The following TRPM3 variants were observed in gnomAD, a reference collection of about 807,000 sequenced individuals.
The protein encoded by TRPM3 is transient receptor potential cation channel subfamily M member 3.
Under a neutral mutation model 181.2 loss-of-function variants are expected in TRPM3, and 77 were observed. The ratio of observed to expected loss-of-function variants is 0.42; its 90% CI spans 0.35 to 0.51. The LOEUF is 0.51. Ranked by LOEUF, TRPM3 falls within the 20% of genes least tolerant of loss-of-function variation. The pLI is 0.01. For missense variants in TRPM3, 1,759 were observed against 2,196.7 expected (o/e 0.80, Z 3.98); for synonymous variants, 745 against 796.4 (o/e 0.94, Z 1.09).
intron 1 of TRPM3, among the ~76,000 whole-genome samples, chr9:71,109,657 T>C (rs1019374201): frequency 7.9e-5 from 12 of 152,152 alleles, no homozygotes; most frequent in Admixed American, 2.0e-4. Context: ...ACCTAGACAA[T>C]CTACCAATGT....
At chr9:70,691,017 T>C (rs185734279) in intron 8 of TRPM3, among the ~76,000 whole-genome samples, 208 of 152,258 alleles carry the variant, frequency 1.4e-3, no homozygotes, top group African/African-American at 4.8e-3. Flanking sequence ...ATGATTTATA[T>C]GGAGGAGGGA....
chr9:70,772,282 G>A (rs1003439292), intron 7 of TRPM3, among the ~76,000 whole-genome samples: 1 of 151,686 alleles, frequency 6.6e-6, no homozygotes, highest in Non-Finnish European at 1.5e-5. Context: ...TCTCTGGTTG[G>A]ATATCACAGA....
intron 1 of TRPM3, among the ~76,000 whole-genome samples, chr9:71,346,488 T>C (rs1225197194): frequency 6.6e-6 from 1 of 152,186 alleles, no homozygotes; most frequent in Non-Finnish European, 1.5e-5. Context: ...AGCTTTCTGG[T>C]AAACCATACA....
At chr9:71,041,470 C>T (rs373056872) in intron 1 of TRPM3, among the ~76,000 whole-genome samples, 60 of 152,228 alleles carry the variant, frequency 3.9e-4, no homozygotes, top group African/African-American at 1.4e-3. Context: ...AGAGGTACAA[C>T]ATATCAGTGA....
intron 1 of TRPM3, among the ~76,000 whole-genome samples, chr9:71,241,866 C>A (rs1250021419): frequency 6.6e-6 from 1 of 152,144 alleles, no homozygotes; most frequent in Admixed American, 6.5e-5. Flanking sequence ...AGACTTTGTG[C>A]AAATTAATAT....
intron 1 of TRPM3, among the ~76,000 whole-genome samples, chr9:71,096,722 A>G (rs145766268): frequency 6.6e-6 from 1 of 152,028 alleles, no homozygotes; most frequent in African/African-American, 2.4e-5. Flanking sequence ...TGCAATCATT[A>G]TCTGTAAACA....
At chr9:71,228,615 G>A (rs990135056) in intron 1 of TRPM3, among the ~76,000 whole-genome samples, 1 of 152,102 alleles carries the variant, frequency 6.6e-6, no homozygotes, top group Non-Finnish European at 1.5e-5. Context: ...GATAAATTCA[G>A]TAAAGTTGCA....
chr9:70,541,444 GAAATA>G (rs1277701305), intron 25 of TRPM3, among the ~76,000 whole-genome samples: 1 of 151,236 alleles, frequency 6.6e-6, no homozygotes, highest in Non-Finnish European at 1.5e-5. Flanking sequence ...GGCTATAAAA[GAAATA>G]AAAAGTCCTA....
chr9:71,222,773 T>C (rs2080317151), intron 1 of TRPM3, among the ~76,000 whole-genome samples: 1 of 152,128 alleles, frequency 6.6e-6, no homozygotes, highest in African/African-American at 2.4e-5. Flanking sequence ...AGCACAGTGA[T>C]TGTGGGTTTT....
chr9:71,436,757 C>T (rs1269214957), intron 1 of TRPM3, among the ~76,000 whole-genome samples: 1 of 152,128 alleles, frequency 6.6e-6, no homozygotes, highest in Non-Finnish European at 1.5e-5. Context: ...GAAACACAGC[C>T]CTGCTGACAT....
chr9:71,103,272 T>C (rs1480084557), intron 1 of TRPM3, among the ~76,000 whole-genome samples: 2 of 152,128 alleles, frequency 1.3e-5, no homozygotes, highest in African/African-American at 4.8e-5. Context: ...TGCTTTCTTA[T>C]TGATAAAAGG....
chr9:70,617,887 C>T (rs538851956), intron 17 of TRPM3, among the ~76,000 whole-genome samples: 1 of 152,252 alleles, frequency 6.6e-6, no homozygotes, highest in East Asian at 1.9e-4. Context: ...ATCGCTTGAA[C>T]CTGGGAGGTG....
At chr9:71,287,618 A>C (rs2085407348) in intron 1 of TRPM3, among the ~76,000 whole-genome samples, 1 of 150,542 alleles carries the variant, frequency 6.6e-6, no homozygotes, top group African/African-American at 2.5e-5. Flanking sequence ...CCAGAATTAC[A>C]GAATGTGTCA....
At chr9:70,948,917 A>G (rs1564824998) in intron 1 of TRPM3, among the ~76,000 whole-genome samples, 1 of 152,188 alleles carries the variant, frequency 6.6e-6, no homozygotes, top group African/African-American at 2.4e-5. Flanking sequence ...TTGTATCCTT[A>G]CTACAGACAG....
At chr9:70,831,985 A>ATATATATAAATATATATATATATATT (rs2093957425) in intron 5 of TRPM3, among the ~76,000 whole-genome samples, 1 of 128,658 alleles carries the variant, frequency 7.8e-6, no homozygotes, top group African/African-American at 2.9e-5. Flanking sequence ...ATATATATAT[A>ATATATATAAATATATATATATATATT]TATATATATA....
intron 11 of TRPM3, among the ~76,000 whole-genome samples, chr9:70,638,247 G>A (rs2057528790): frequency 6.6e-6 from 1 of 152,144 alleles, no homozygotes; most frequent in Non-Finnish European, 1.5e-5. Flanking sequence ...CACTGAACTT[G>A]CCAGAGCCTT....
At chr9:70,819,182 C>CATATTGTAGGATCCTACAATA (rs2092956222) in intron 6 of TRPM3, among the ~76,000 whole-genome samples, 1 of 152,108 alleles carries the variant, frequency 6.6e-6, no homozygotes, top group Non-Finnish European at 1.5e-5. Context: ...TGAGACTGTC[C>CATATTGTAGGATCCTACAATA]TGCATATTGT....
At chr9:70,802,719 T>C (rs949075984) in intron 6 of TRPM3, among the ~76,000 whole-genome samples, 1 of 152,128 alleles carries the variant, frequency 6.6e-6, no homozygotes, top group Non-Finnish European at 1.5e-5. Context: ...TCCCTAAAAC[T>C]AGCCGTTTGG....
chr9:70,879,714 T>C (rs760675221), intron 1 of TRPM3, among the ~76,000 whole-genome samples: 3 of 152,168 alleles, frequency 2.0e-5, no homozygotes, highest in Non-Finnish European at 4.4e-5. Flanking sequence ...AGATGGAACA[T>C]TCTTTCAGAT....
Sources: allele counts gnomAD v4.1 joint callset (sites outside exome capture counted in the v4.1 genomes callset), GRCh38; gene constraint gnomAD v4.1.1; transcripts MANE v1.5; gene names NCBI Gene and HGNC (gene_info 2026-07-23, HGNC 2026-07-21).